The following TMEM132D variants were observed in gnomAD, a reference collection of about 807,000 sequenced individuals.
TMEM132D encodes the protein mature OL transmembrane protein.
In TMEM132D, 21 loss-of-function variants were observed where a neutral mutation model predicts 62.3. The ratio of observed to expected loss-of-function variants is 0.34; its 90% CI spans 0.24 to 0.49. TMEM132D has a LOEUF of 0.49. Ranked by LOEUF, TMEM132D falls within the 20% of genes least tolerant of loss-of-function variation. The pLI, the probability that TMEM132D is intolerant of heterozygous loss-of-function variation, is 0.99. For synonymous variants in TMEM132D, 621 were observed against 575.6 expected (o/e 1.08, Z -1.13); for missense variants, 1,346 against 1,402.8 (o/e 0.96, Z 0.65).
At chr12:129,099,986 C>T (rs931016855) in intron 5 of TMEM132D, among the ~76,000 whole-genome samples, 10 of 120,912 alleles carry the variant, frequency 8.3e-5, no homozygotes, top group South Asian at 4.3e-4. Context: ...CCACTACGCC[C>T]GGCTAATTTT....
chr12:129,462,755 T>A (rs1483343036), intron 3 of TMEM132D, among the ~76,000 whole-genome samples: 1 of 152,224 alleles, frequency 6.6e-6, no homozygotes, highest in South Asian at 2.1e-4. Context: ...TTATTTTGTC[T>A]AATTAATAAT....
At chr12:129,325,653 C>T (rs1377821908) in intron 4 of TMEM132D, among the ~76,000 whole-genome samples, 1 of 152,144 alleles carries the variant, frequency 6.6e-6, no homozygotes, top group Non-Finnish European at 1.5e-5. Context: ...GGTGTTTTCA[C>T]CTTCTGGTAG....
intron 5 of TMEM132D, among the ~76,000 whole-genome samples, chr12:129,086,197 C>CGTGT (rs781758085): frequency 1.8e-3 from 131 of 73,566 alleles, no homozygotes; most frequent in East Asian, 0.016. Flanking sequence ...TAGTCACGCG[C>CGTGT]GCGCGTGTGT....
At chr12:129,442,194 T>C (rs998810830) in intron 3 of TMEM132D, among the ~76,000 whole-genome samples, 5 of 152,196 alleles carry the variant, frequency 3.3e-5, no homozygotes, top group Non-Finnish European at 5.9e-5. Flanking sequence ...GCCAAATCTT[T>C]CCAGCAGCCA....
intron 2 of TMEM132D, among the ~76,000 whole-genome samples, chr12:129,639,610 C>T (rs2137173795): frequency 6.6e-6 from 1 of 152,182 alleles, no homozygotes; most frequent in South Asian, 2.1e-4. Context: ...GGGCCCCCTA[C>T]AGACCATGTC....
At chr12:129,840,420 C>T (rs2137343356) in intron 1 of TMEM132D, 1 of 152,264 alleles carries the variant, frequency 6.6e-6, no homozygotes, top group African/African-American at 2.4e-5. Flanking sequence ...CGTCCGGCGG[C>T]CCTTCATTGT....
In TMEM132D at chr12:129,779,105, C is replaced by G. The variant is rs1374879073; in HGVS notation, c.80-78407G>C. Among the ~76,000 whole-genome samples, 2 of 152,168 alleles carry G rather than the reference C, an allele frequency of 1.3e-5. No homozygotes were observed. Among genetic ancestry groups the G allele is most frequent in the African/African-American group, 2.4e-5 (1 of 41,432 alleles). ...CAATGTCCTTACCATTCTCATACAA[C>G]GAGGCGACTGCAACAGCTCCAGGCA... On this transcript the variant is annotated intron_variant, in intron 1 of 8. Coordinates refer to ENST00000422113, the MANE Select transcript of TMEM132D (RefSeq NM_133448.3). The surrounding 1 kb of genome is among the most constrained non-coding windows in gnomAD (Gnocchi z 4.1).
chr12:129,685,049 T>C (rs1304515871), intron 2 of TMEM132D, among the ~76,000 whole-genome samples: 2 of 152,212 alleles, frequency 1.3e-5, no homozygotes, highest in Admixed American at 6.5e-5. Context: ...TTGGAACTTA[T>C]GTTTAAAGGG....
intron 2 of TMEM132D, among the ~76,000 whole-genome samples, chr12:129,694,071 C>A (rs1051317011): frequency 6.6e-6 from 1 of 152,212 alleles, no homozygotes; most frequent in Non-Finnish European, 1.5e-5. Flanking sequence ...AAAATATTTT[C>A]TTTTGCAATA....
intron 4 of TMEM132D, among the ~76,000 whole-genome samples, chr12:129,220,959 TGGCCAACCATGCTTGATGGTGTTG>T (rs1369615923): frequency 6.6e-6 from 1 of 151,704 alleles, no homozygotes; most frequent in African/African-American, 2.4e-5. Flanking sequence ...AGGAGATGCC[TGGCCAACCATGCTTGATGGTGTTG>T]GGCCAGCCAT....
At chr12:129,559,740 AG>A (rs1278661228) in intron 2 of TMEM132D, among the ~76,000 whole-genome samples, 1 of 152,224 alleles carries the variant, frequency 6.6e-6, no homozygotes, top group Non-Finnish European at 1.5e-5. Flanking sequence ...CCCCTCAAAA[AG>A]TCAACTTGAT....
At chr12:129,417,215 C>T (rs989258267) in intron 3 of TMEM132D, among the ~76,000 whole-genome samples, 5 of 151,962 alleles carry the variant, frequency 3.3e-5, no homozygotes, top group African/African-American at 1.2e-4. Flanking sequence ...ATTACTGCCT[C>T]AATTTCAGAA....
intron 3 of TMEM132D, among the ~76,000 whole-genome samples, chr12:129,408,768 G>A (rs1459162453): frequency 1.3e-5 from 2 of 152,110 alleles, no homozygotes; most frequent in Admixed American, 6.6e-5. Context: ...ATACACTCAT[G>A]TGCACAAATG....
At chr12:129,321,203 T>C (rs1161210270) in intron 4 of TMEM132D, among the ~76,000 whole-genome samples, 3 of 152,190 alleles carry the variant, frequency 2.0e-5, no homozygotes, top group Non-Finnish European at 4.4e-5. Context: ...GGAGATGTTA[T>C]AGAGAGAATT....
At chr12:129,105,559 G>GAAAAAAAAA (rs200761456) in intron 5 of TMEM132D, among the ~76,000 whole-genome samples, 1 of 141,112 alleles carries the variant, frequency 7.1e-6, no homozygotes. Flanking sequence ...TAAAAAAAAA[G>GAAAAAAAAA]AAAAAAAAAA....
intron 2 of TMEM132D, among the ~76,000 whole-genome samples, chr12:129,579,311 G>A (rs1197011124): frequency 6.6e-6 from 1 of 152,112 alleles, no homozygotes; most frequent in Non-Finnish European, 1.5e-5. Context: ...TTTAGTTAGT[G>A]TATTAGTCAG....
intron 8 of TMEM132D, among the ~76,000 whole-genome samples, chr12:129,076,485 T>A (rs1874261386): frequency 6.6e-6 from 1 of 152,206 alleles, no homozygotes; most frequent in African/African-American, 2.4e-5. Context: ...TCTTTGGAAG[T>A]AAGAAGAAAG....
chr12:129,274,149 G>A lies in TMEM132D; in HGVS notation c.1299+63485C>T, dbSNP rs145601066. Among the ~76,000 whole-genome samples, 190 of 151,840 alleles carry A rather than the reference G, an allele frequency of 1.3e-3. 6 individuals are homozygous for A. The highest frequency in any genetic ancestry group is 4.1e-3 in the African/African-American group (169 of 41,188). On this transcript the variant is annotated intron_variant, in intron 4 of 8. Transcript: ENST00000422113. ...TGAGATGATGCCGGAAGTCTTATGCGCATGAGAGTTAAAAGGAACTGGGAG... is the reference window on the plus strand; with the variant it reads ...TGAGATGATGCCGGAAGTCTTATGCACATGAGAGTTAAAAGGAACTGGGAG...
intron 3 of TMEM132D, among the ~76,000 whole-genome samples, chr12:129,354,805 G>A (rs1869987448): frequency 6.6e-6 from 1 of 152,182 alleles, no homozygotes; most frequent in Non-Finnish European, 1.5e-5. Context: ...AAACGGAGGA[G>A]TCAAGAGATC....
Sources: gnomAD v4.1 joint callset for allele counts (sites outside exome capture counted in the v4.1 genomes callset) on GRCh38, gnomAD v4.1.1 for gene constraint, Gnocchi (gnomAD v3.1) non-coding constraint, MANE v1.5 for transcripts, NCBI Gene and HGNC (gene_info 2026-07-23, HGNC 2026-07-21) for gene names.